Variants in ADCY1 observed in about 807,000 individuals in gnomAD.
ADCY1 encodes the protein adenylate cyclase 1.
ADCY1 carries 28 observed loss-of-function variants against 105.4 expected under a neutral mutation model. The observed-to-expected ratio is 0.27, with a 90% CI of 0.20 to 0.36. ADCY1 has a LOEUF of 0.36. Among genes scored for constraint, ADCY1 ranks in the 10% least tolerant of loss-of-function variants. The pLI is 1.00. For missense variants in ADCY1, 977 were observed against 1,434.2 expected (o/e 0.68, Z 5.15); for synonymous variants, 655 against 623.8 (o/e 1.05, Z -0.75).
rs745713977 is a variant in ADCY1, at chr7:45,678,279, A to T, written c.1898+16A>T. The T allele has an allele frequency of 1.9e-6, 3 of 1,607,148 alleles. No individual in the cohort carries two copies. The highest frequency in any genetic ancestry group is 1.7e-4 in the Middle Eastern group (1 of 6,052). ...TATTCCCACAGTGAGTATTTCTATC[A>T]ACGAGGTGAGGAACTCACCAAGAAG... On this transcript the variant is annotated intron_variant, in intron 10 of 19. Transcript: ENST00000297323.
chr7:45,689,210 G>T (rs980694139), intron 14 of ADCY1, among the ~76,000 whole-genome samples: 23 of 152,194 alleles, frequency 1.5e-4, no homozygotes, highest in African/African-American at 5.3e-4. Context: ...CTCACTGTCA[G>T]CAGGGCTGTC....
At chr7:45,577,509 A>G (rs934635167) in intron 1 of ADCY1, among the ~76,000 whole-genome samples, 50 of 152,290 alleles carry the variant, frequency 3.3e-4, no homozygotes, top group African/African-American at 9.1e-4. Context: ...ACGCATTTAC[A>G]CAGCATTGAT....
At chr7:45,597,060 A>G (rs1042590195) in intron 2 of ADCY1, among the ~76,000 whole-genome samples, 1 of 152,206 alleles carries the variant, frequency 6.6e-6, no homozygotes, top group African/African-American at 2.4e-5. Context: ...CAGGAGGCTC[A>G]GAAAACACCT....
rs1213762901 is a variant in ADCY1 at position 45,678,021 on chromosome 7, C to A, written c.1758C>A (p.Asn586Lys). Residue 586 changes from asparagine (N) to lysine (K), a missense_variant, in exon 9 of 20, where the codon AAC (asparagine) becomes AAA (lysine). By Grantham distance (94) the Asn-to-Lys change is moderately conservative (BLOSUM62 0). Coordinates refer to ENST00000297323, the MANE Select transcript of ADCY1 (RefSeq NM_021116.4). ...CAGAGCTGGAGATGGCAGACCTGAA[C>A]TTCTTTACCCTGAAGTACAAACATG... ...RQTELEMADL[N>K]FFTLKYKHVE... is the part of the protein sequence containing the mutation. 2 of 1,614,066 alleles carry A rather than the reference C, an allele frequency of 1.2e-6. No homozygotes were observed. Among genetic ancestry groups the A allele is most frequent in the Non-Finnish European group, 1.7e-6 (2 of 1,180,040 alleles).
chr7:45,650,813 G>A (rs1253840150), intron 5 of ADCY1, among the ~76,000 whole-genome samples: 1 of 152,104 alleles, frequency 6.6e-6, no homozygotes, highest in African/African-American at 2.4e-5. Flanking sequence ...CTGCAGACGT[G>A]CCTCTTCCTG....
chr7:45,714,260 C>T lies in ADCY1; in HGVS notation c.*265C>T. The T allele has an allele frequency of 2.0e-6, 1 of 504,654 alleles. No individual in the cohort carries two copies. The highest frequency in any genetic ancestry group is 3.4e-5 in the South Asian group (1 of 29,826). The allele number at this position is 504,654 out of a possible 1,614,324, so 31.3% of individuals were successfully genotyped here. On this transcript the variant is annotated 3_prime_UTR_variant, in exon 20 of 20. Coordinates refer to ENST00000297323, the MANE Select transcript of ADCY1 (RefSeq NM_021116.4). ...CTGGAGAGGTGTCCACTCCATCCTT[C>T]CCTCCGTGGCGTAGGGAGCACTGTT... is the stretch of plus-strand genomic sequence containing the variant.
In ADCY1 at chr7:45,575,075, C is replaced by T. The variant is rs1322087856; in HGVS notation, c.532C>T (p.Pro178Ser). The change falls in exon 1 of 20, where the codon CCC becomes TCC. Residue 178 changes from proline (P) to serine (S), a missense_variant. This residue lies in a region of ADCY1 where 196 missense variants were observed against 347.8 expected (regional missense o/e 0.56). Transcript: ENST00000297323. The surrounding 1 kb of genome is among the most constrained non-coding windows in gnomAD (Gnocchi z 4.7). The part of the protein sequence containing the change: ...LVTFVSYALL[P>S]VRSLLAIGFG... Reference sequence around the variant, plus strand: ...CACCTTCGTGTCCTATGCCTTGCTGCCCGTGCGCAGCCTGCTGGCCATAGG... The same window carrying T: ...CACCTTCGTGTCCTATGCCTTGCTGTCCGTGCGCAGCCTGCTGGCCATAGG... 2 of 1,612,514 alleles carry T rather than the reference C, an allele frequency of 1.2e-6. No homozygotes were observed. Among genetic ancestry groups the T allele is most frequent in the Admixed American group, 1.7e-5 (1 of 59,986 alleles).
chr7:45,623,737 T>C (rs947923712), intron 4 of ADCY1, among the ~76,000 whole-genome samples: 14 of 152,212 alleles, frequency 9.2e-5, no homozygotes, highest in Non-Finnish European at 4.4e-5. Flanking sequence ...ACGCCCAGAC[T>C]GTGCAGGAAG....
chr7:45,651,171 A>G (rs1048212629), intron 5 of ADCY1, among the ~76,000 whole-genome samples: 1 of 152,084 alleles, frequency 6.6e-6, no homozygotes, highest in Admixed American at 6.5e-5. Context: ...AGTTCCTGTC[A>G]CTCAGCTTCC....
intron 3 of ADCY1, among the ~76,000 whole-genome samples, chr7:45,618,723 A>G (rs1484847180): frequency 6.6e-6 from 1 of 152,166 alleles, no homozygotes; most frequent in Non-Finnish European, 1.5e-5. Flanking sequence ...GCAAATACTG[A>G]TGCGGATGCA....
chr7:45,626,197 A>T (rs1302869494), intron 4 of ADCY1, among the ~76,000 whole-genome samples: 1 of 152,348 alleles, frequency 6.6e-6, no homozygotes, highest in Non-Finnish European at 1.5e-5. Flanking sequence ...ACAAATACGT[A>T]AACAAATGGG....
intron 4 of ADCY1, among the ~76,000 whole-genome samples, chr7:45,639,580 C>T (rs1794485456): frequency 6.6e-6 from 1 of 152,256 alleles, no homozygotes; most frequent in South Asian, 2.1e-4. Flanking sequence ...TGATCCCATT[C>T]CTCAAGTGGA....
At position 45,639,384 on chromosome 7, in the gene ADCY1, C is replaced by T. The variant is rs527952129; in HGVS notation, c.1021-9286C>T. ...CATTCCACCTTCACCTGTGGAGGGACAGGGCCCCTTCTCTGGATGTCAGTT... is the reference window on the plus strand; with the variant it reads ...CATTCCACCTTCACCTGTGGAGGGATAGGGCCCCTTCTCTGGATGTCAGTT... On this transcript the variant is annotated intron_variant, in intron 4 of 19. Coordinates refer to ENST00000297323, the MANE Select transcript of ADCY1 (RefSeq NM_021116.4). 6.6e-5 allele frequency among the ~76,000 whole-genome samples: 10 copies of T among 152,334 alleles called. No individual in the cohort carries two copies. The East Asian group carries it at 1.7e-3, about 26-fold the overall frequency.
intron 8 of ADCY1, among the ~76,000 whole-genome samples, chr7:45,665,272 G>A (rs992597775): frequency 1.1e-4 from 17 of 152,182 alleles, no homozygotes; most frequent in African/African-American, 4.1e-4. Flanking sequence ...ATGAAAATAC[G>A]TTTACTTCTC....
chr7:45,703,458 C>T lies in ADCY1; in HGVS notation c.2537C>T (p.Ala846Val). ...TTCAACCTCCTGCCGGCCCACGTCG[C>T]CCAGCACTTCCTCATGTCCAACCCT... The part of the protein sequence containing the change: ...ILFNLLPAHV[A>V]QHFLMSNPRN... The change falls in exon 15 of 20, where the codon GCC becomes GTC. Residue 846 changes from alanine (A) to valine (V), a missense_variant. Ala to Val is a moderately conservative substitution (Grantham distance 64). Coordinates refer to ENST00000297323, the MANE Select transcript of ADCY1 (RefSeq NM_021116.4). The surrounding 1 kb of genome is among the most constrained non-coding windows in gnomAD (Gnocchi z 5.9). 1 of 1,614,122 alleles carries T rather than the reference C, an allele frequency of 6.2e-7. No homozygotes were observed. The highest frequency in any genetic ancestry group is 8.5e-7 in the Non-Finnish European group (1 of 1,179,994).
chr7:45,721,642 T>C lies in ADCY1; in HGVS notation c.*7647T>C, dbSNP rs1785474263. On this transcript the variant is annotated 3_prime_UTR_variant, in exon 20 of 20. Transcript: ENST00000297323. ...CTTCCTCTGCTGTAGAGCCATTTAA[T>C]GTTATTGTCATATGCTGCTGGTGAG... 2 of 398,498 alleles carry C rather than the reference T, an allele frequency of 5.0e-6. No homozygotes were observed. The highest frequency in any genetic ancestry group is 8.8e-6 in the Non-Finnish European group (2 of 226,090). 24.7% of individuals were successfully genotyped at this position (398,498 alleles called of 1,614,324 possible). A position where few individuals can be genotyped will look rare whatever the true frequency, so the allele number is the denominator to read the frequency against.
Position 45,704,502 on chromosome 7 carries a change from T to A in ADCY1, c.2719-16T>A. 3 of 1,609,486 alleles carry A rather than the reference T, an allele frequency of 1.9e-6. No homozygotes were observed. In the East Asian group the frequency reaches 6.7e-5, roughly 36 times the overall value. ...AATGTTATGTCATGTTTAACAGTTT[T>A]ATGTTTTAAACAAAGCTCATGGAAA... On this transcript the variant is annotated splice_polypyrimidine_tract_variant and intron_variant, in intron 16 of 19. Transcript: ENST00000297323.
chr7:45,576,067 G>A (rs1474419544), intron 1 of ADCY1, among the ~76,000 whole-genome samples: 1 of 152,246 alleles, frequency 6.6e-6, no homozygotes, highest in Non-Finnish European at 1.5e-5. Context: ...GGGGAGATTT[G>A]GAAGACCCTG....
chr7:45,680,636 C>T (rs1784538445), intron 11 of ADCY1: 1 of 151,324 alleles, frequency 6.6e-6, no homozygotes, highest in Admixed American at 6.6e-5. Context: ...TAAAAAAATG[C>T]TAACTATTAA....
Sources: gnomAD v4.1 joint callset for allele counts (sites outside exome capture counted in the v4.1 genomes callset) on GRCh38, gnomAD v4.1.1 for gene constraint, gnomAD v4.1.1 regional missense constraint, Gnocchi (gnomAD v3.1) non-coding constraint, MANE v1.5 for transcripts, NCBI Gene and HGNC (gene_info 2026-07-23, HGNC 2026-07-21) for gene names.